DYRK1A: variants seen among roughly 807,000 people sequenced by gnomAD.
DYRK1A encodes dual specificity tyrosine phosphorylation regulated kinase 1A, also known as dual specificity tyrosine-phosphorylation-regulated kinase 1A.
A neutral mutation model predicts 79.7 loss-of-function variants in DYRK1A; 9 were observed. That is an observed-to-expected ratio of 0.11 (90% CI 0.07 to 0.20). The LOEUF is 0.20. Among genes scored for constraint, DYRK1A ranks in the 10% least tolerant of loss-of-function variants. The probability of loss-of-function intolerance (pLI) is 1.00; values close to 1 mark genes in which losing one functional copy is unlikely to be tolerated. For synonymous variants in DYRK1A, 349 were observed against 329.7 expected (o/e 1.06, Z -0.63); for missense variants, 622 against 956.0 (o/e 0.65, Z 4.61).
In DYRK1A at chr21:37,519,911, T is replaced by A. The variant is rs1287703199; in HGVS notation, c.*7380T>A. On this transcript the variant is annotated 3_prime_UTR_variant, in exon 12 of 12. Transcript: ENST00000647188. ...CGCCCGCCACCACGCCCGGCTAATT[T>A]TTTTTGTGTATTTTTAGTAGAGATG... 1 of 152,052 alleles carries A rather than the reference T, an allele frequency of 6.6e-6. No homozygotes were observed. The highest frequency in any genetic ancestry group is 2.4e-5 in the African/African-American group (1 of 41,302). 9.4% of individuals were successfully genotyped at this position (152,052 alleles called of 1,614,324 possible).
At chr21:37,373,305 AATC>A (rs1312411296) in intron 1 of DYRK1A, among the ~76,000 whole-genome samples, 1 of 152,226 alleles carries the variant, frequency 6.6e-6, no homozygotes, top group African/African-American at 2.4e-5. Flanking sequence ...CAGTAGCAAT[AATC>A]TCAGTAATGG....
intron 2 of DYRK1A, among the ~76,000 whole-genome samples, chr21:37,434,151 T>C (rs1397353919): frequency 6.6e-6 from 1 of 152,204 alleles, no homozygotes; most frequent in African/African-American, 2.4e-5. Context: ...AGGACCAGCA[T>C]GCTCTTCTCT....
chr21:37,506,465 C>G (rs2053603287), intron 11 of DYRK1A: 1 of 1,202,274 alleles, frequency 8.3e-7, no homozygotes, highest in African/African-American at 1.5e-5. Context: ...AGTTTTTTTC[C>G]TGTGTTTATC....
chr21:37,411,861 T>C (rs1253056401), intron 1 of DYRK1A, among the ~76,000 whole-genome samples: 3 of 152,234 alleles, frequency 2.0e-5, no homozygotes, highest in Non-Finnish European at 4.4e-5. Context: ...ACTACTATTC[T>C]CTTTTTGAAA....
At chr21:37,366,707 G>T (rs924305814), upstream of DYRK1A, among the ~76,000 whole-genome samples, 1 of 151,906 alleles carries the variant, frequency 6.6e-6, no homozygotes, top group Non-Finnish European at 1.5e-5. Context: ...CTCGGGGCTG[G>T]GGGGCGGGAG....
chr21:37,437,969 A>T (rs1164868560), intron 2 of DYRK1A, among the ~76,000 whole-genome samples: 1 of 152,198 alleles, frequency 6.6e-6, no homozygotes, highest in Admixed American at 6.5e-5. Context: ...TTTCACCAGC[A>T]GTTCAGGAGA....
In DYRK1A at chr21:37,525,796, GC is replaced by G. The variant is rs2053964082; in HGVS notation, c.*13267del. The stretch of plus-strand genomic sequence containing the variant: ...AATATTAGCTGAATATCCCGACATG[GC>G]CTGTAATACAGCAGTTCAATGGTTT... On this transcript the variant is annotated 3_prime_UTR_variant, in exon 12 of 12. Transcript: ENST00000647188. 1 of 152,102 alleles carries G rather than the reference GC, an allele frequency of 6.6e-6. No individual in the cohort carries two copies. Among genetic ancestry groups the G allele is most frequent in the Admixed American group, 6.5e-5 (1 of 15,270 alleles). 9.4% of individuals were successfully genotyped at this position (152,102 alleles called of 1,614,324 possible). A position where few individuals can be genotyped will look rare whatever the true frequency, so the allele number is the denominator to read the frequency against.
At chr21:37,458,669 A>T (rs745406494) in intron 2 of DYRK1A, among the ~76,000 whole-genome samples, 3 of 152,148 alleles carry the variant, frequency 2.0e-5, no homozygotes, top group African/African-American at 4.8e-5. Context: ...GTCCTAGCCT[A>T]ATGTCTGTCT....
intron 2 of DYRK1A, among the ~76,000 whole-genome samples, chr21:37,423,297 C>G (rs1049231667): frequency 6.6e-6 from 1 of 152,120 alleles, no homozygotes; most frequent in African/African-American, 2.4e-5. Context: ...CTGGATGCCT[C>G]TCCCGCATAT....
intron 2 of DYRK1A, among the ~76,000 whole-genome samples, chr21:37,465,150 C>G (rs1331819932): frequency 6.6e-6 from 1 of 152,178 alleles, no homozygotes; most frequent in Non-Finnish European, 1.5e-5. Flanking sequence ...TCTTTCTTCA[C>G]TTTCACTAAA....
rs1382096487 is a variant in DYRK1A at position 37,516,627 on chromosome 21, T to C, written c.*4096T>C. 1.3e-5 allele frequency: 2 copies of C among 152,250 alleles called. No individual in the cohort carries two copies. Among genetic ancestry groups the C allele is most frequent in the African/African-American group, 4.8e-5 (2 of 41,458 alleles). 9.4% of individuals were successfully genotyped at this position (152,250 alleles called of 1,614,324 possible). On this transcript the variant is annotated 3_prime_UTR_variant, in exon 12 of 12. Coordinates refer to ENST00000647188, the MANE Select transcript of DYRK1A (RefSeq NM_001347721.2). ...CAGGAATTTTTGACGTATGCCTGTG[T>C]TGAAGGCACTGGATGCTTGTTTTGT...
At chr21:37,479,789 A>T (rs1264084497) in intron 4 of DYRK1A, among the ~76,000 whole-genome samples, 1 of 151,142 alleles carries the variant, frequency 6.6e-6, no homozygotes, top group Non-Finnish European at 1.5e-5. Context: ...CACCATGCCC[A>T]GCTAATTTTT....
chr21:37,471,930 C>T (rs1301288231), intron 2 of DYRK1A, among the ~76,000 whole-genome samples: 3 of 152,122 alleles, frequency 2.0e-5, no homozygotes, highest in Admixed American at 6.5e-5. Context: ...TTATCCTTTT[C>T]TTAAAGAATT....
chr21:37,446,554 C>G (rs755137278), intron 2 of DYRK1A, among the ~76,000 whole-genome samples: 6 of 151,322 alleles, frequency 4.0e-5, no homozygotes, highest in Admixed American at 6.6e-5. Context: ...ATTTGAGAAT[C>G]TACAATGTAT....
At chr21:37,401,301 C>T (rs1310916476) in intron 1 of DYRK1A, among the ~76,000 whole-genome samples, 1 of 151,830 alleles carries the variant, frequency 6.6e-6, no homozygotes, top group Non-Finnish European at 1.5e-5. Context: ...TAGAAAGGTG[C>T]CAGTGGAAAG....
intron 1 of DYRK1A, among the ~76,000 whole-genome samples, chr21:37,369,871 C>T (rs2049395976): frequency 6.6e-6 from 1 of 152,304 alleles, no homozygotes; most frequent in East Asian, 1.9e-4. Flanking sequence ...AAACTTAACA[C>T]ATTATTGTGT....
At chr21:37,384,138 C>A (rs1161758674) in intron 1 of DYRK1A, among the ~76,000 whole-genome samples, 1 of 151,952 alleles carries the variant, frequency 6.6e-6, no homozygotes, top group Non-Finnish European at 1.5e-5. Flanking sequence ...GCCACGTGGC[C>A]CCACTAAGTT....
At chr21:37,502,794 A>C (rs1169456138) in intron 9 of DYRK1A, 1 of 152,172 alleles carries the variant, frequency 6.6e-6, no homozygotes, top group Non-Finnish European at 1.5e-5. Flanking sequence ...TGAATAAGCT[A>C]TCCCGATAAA....
chr21:37,410,121 A>G (rs2050216359), intron 1 of DYRK1A, among the ~76,000 whole-genome samples: 1 of 152,252 alleles, frequency 6.6e-6, no homozygotes, highest in African/African-American at 2.4e-5. Context: ...TCATGCTTAA[A>G]TAGACTGTGT....
Sources: allele counts gnomAD v4.1 joint callset (sites outside exome capture counted in the v4.1 genomes callset), GRCh38; gene constraint gnomAD v4.1.1; transcripts MANE v1.5; gene names NCBI Gene and HGNC (gene_info 2026-07-23, HGNC 2026-07-21).